Variants in STAT1 observed in about 807,000 individuals in gnomAD.
STAT1 encodes the protein signal transducer and activator of transcription 1, also known as signal transducer and activator of transcription 1-alpha/beta.
In STAT1, 24 loss-of-function variants were observed where a neutral mutation model predicts 111.7. The ratio of observed to expected loss-of-function variants is 0.21; its 90% CI spans 0.16 to 0.30. The LOEUF is 0.30. STAT1 is among the 10% of genes least tolerant of loss of function. The pLI, the probability that STAT1 is intolerant of heterozygous loss-of-function variation, is 1.00. For synonymous variants in STAT1, 332 were observed against 326.5 expected (o/e 1.02, Z -0.18); for missense variants, 351 against 911.9 (o/e 0.38, Z 7.92).
At chr2:191,002,025 T>C (rs1448725161) in intron 5 of STAT1, among the ~76,000 whole-genome samples, 14 of 152,244 alleles carry the variant, frequency 9.2e-5, no homozygotes, top group Admixed American at 9.2e-4. Flanking sequence ...GGTGTTTTTA[T>C]ATGTGCAATT....
Position 191,000,396 on chromosome 2 carries a change from C to T in STAT1, c.462+678G>A, listed in dbSNP as rs1694181654. On this transcript the variant is annotated intron_variant, in intron 6 of 24. Transcript: ENST00000361099. The surrounding 1 kb of genome is among the most constrained non-coding windows in gnomAD (Gnocchi z 4.8). Reference sequence around the variant, plus strand: ...GAGTTTGGAAAGATGCTGTCTGAAGCATGTAAGTCAAGGCCATACTGCTAT... The same window carrying T: ...GAGTTTGGAAAGATGCTGTCTGAAGTATGTAAGTCAAGGCCATACTGCTAT... Among the ~76,000 whole-genome samples the T allele has an allele frequency of 6.6e-6, 1 of 152,136 alleles. No homozygotes were observed. Among genetic ancestry groups the T allele is most frequent in the African/African-American group, 2.4e-5 (1 of 41,424 alleles).
chr2:190,979,926 C>A lies in STAT1; in HGVS notation c.1633-60G>T. ...AATCTAAAACAATGACTTACCATGG[C>A]CCCTCCCACCATCATTTGCAAAGAC... On this transcript the variant is annotated intron_variant, in intron 19 of 24. Transcript: ENST00000361099. The surrounding 1 kb of genome is among the most constrained non-coding windows in gnomAD (Gnocchi z 5.8). The A allele has an allele frequency of 8.7e-7, 1 of 1,144,626 alleles. No individual in the cohort carries two copies. The highest frequency in any genetic ancestry group is 1.3e-6 in the Non-Finnish European group (1 of 764,328). 70.9% of individuals were successfully genotyped at this position (1,144,626 alleles called of 1,614,324 possible). A position where few individuals can be genotyped will look rare whatever the true frequency, so the allele number is the denominator to read the frequency against.
rs4327257 is a variant in STAT1 at position 190,981,411 on chromosome 2, A to T, written c.1583-742T>A. On this transcript the variant is annotated intron_variant, in intron 18 of 24. Coordinates refer to ENST00000361099, the MANE Select transcript of STAT1 (RefSeq NM_007315.4). This position sits in a 1 kb window ranked among gnomAD's most constrained non-coding sequence, Gnocchi z 4.1. ...CCAAGTGAGAGAAACGAGAGGAAGAAGCCCGGGGTTATTAGCTACACAAAT... is the reference window on the plus strand; with the variant it reads ...CCAAGTGAGAGAAACGAGAGGAAGATGCCCGGGGTTATTAGCTACACAAAT... Among the ~76,000 whole-genome samples the T allele has an allele frequency of 6.6e-6, 1 of 152,358 alleles. No individual in the cohort carries two copies. The highest frequency in any genetic ancestry group is 2.1e-4 in the South Asian group (1 of 4,832).
chr2:190,978,627 G>C lies in STAT1; in HGVS notation c.1873+229C>G. The C allele has an allele frequency of 1.6e-6, 1 of 606,506 alleles. No homozygotes were observed. Among genetic ancestry groups the C allele is most frequent in the Non-Finnish European group, 2.9e-6 (1 of 339,102 alleles). The allele number at this position is 606,506 out of a possible 1,614,324, so 37.6% of individuals were successfully genotyped here. Reference sequence around the variant, plus strand: ...CAAACCTGATGCAAAGGAAAGAATTGGCATTGTCTTTTCAAAACCATCATT... The same window carrying C: ...CAAACCTGATGCAAAGGAAAGAATTCGCATTGTCTTTTCAAAACCATCATT... On this transcript the variant is annotated intron_variant, in intron 21 of 24. Coordinates refer to ENST00000361099, the MANE Select transcript of STAT1 (RefSeq NM_007315.4). The surrounding 1 kb of genome is among the most constrained non-coding windows in gnomAD (Gnocchi z 6.1).
rs1425340138 is a variant in STAT1, at chr2:190,990,006, T to C, written c.1038-332A>G. On this transcript the variant is annotated intron_variant, in intron 11 of 24. Transcript: ENST00000361099. This position sits in a 1 kb window ranked among gnomAD's most constrained non-coding sequence, Gnocchi z 5.1. ...TTCAGTTTCATCACAATTTCGACCT[T>C]TGGCCAATTTATATGGGTAAAATAG... 6.6e-6 allele frequency among the ~76,000 whole-genome samples: 1 copy of C among 152,236 alleles called. No homozygotes were observed. Among genetic ancestry groups the C allele is most frequent in the Non-Finnish European group, 1.5e-5 (1 of 68,036 alleles).
intron 10 of STAT1, among the ~76,000 whole-genome samples, chr2:190,994,236 T>C (rs567801326): frequency 6.6e-6 from 1 of 152,200 alleles, no homozygotes; most frequent in East Asian, 1.9e-4. Context: ...CAAGTTTGCC[T>C]AGAAAGGGGC....
chr2:190,988,537 C>G (rs1193893173), intron 12 of STAT1, among the ~76,000 whole-genome samples: 6 of 152,188 alleles, frequency 3.9e-5, no homozygotes, highest in Admixed American at 3.9e-4. Flanking sequence ...CACCACCACA[C>G]CTGGCTAATT....
rs749333159 is a variant in STAT1, at chr2:190,974,839, G to T, written c.2229C>A (p.Phe743Leu). ...EVSRIVGSVEFDSMMNTV is the reference protein window; with the variant it reads ...EVSRIVGSVELDSMMNTV ...CAGCCGTGGTACTCACCATACTGTC[G>T]AATTCTACAGAGCCCACTATCCGAG... Residue 743 changes from phenylalanine (F) to leucine (L), a missense_variant, in exon 24 of 25, where the codon TTC (phenylalanine) becomes TTA (leucine). This residue lies in a region of STAT1 where 181 missense variants were observed against 426.1 expected (regional missense o/e 0.42). Coordinates refer to ENST00000361099, the MANE Select transcript of STAT1 (RefSeq NM_007315.4). This position sits in a 1 kb window ranked among gnomAD's most constrained non-coding sequence, Gnocchi z 4.8. 1 of 1,613,982 alleles carries T rather than the reference G, an allele frequency of 6.2e-7. No individual in the cohort carries two copies. The highest frequency in any genetic ancestry group is 1.1e-5 in the South Asian group (1 of 91,078).
At position 191,004,437 on chromosome 2, in the gene STAT1, G is replaced by A. The variant is rs2030171; in HGVS notation, c.372+3126C>T. Among the ~76,000 whole-genome samples, 55,992 of 152,010 alleles carry A rather than the reference G, an allele frequency of 0.37. 10,922 individuals carry two copies. Among genetic ancestry groups the A allele is most frequent in the East Asian group, 0.64 (3,311 of 5,154 alleles). Reference sequence around the variant, plus strand: ...GCTCAGGAAGGGGGTCCTTTCCAATGGAGTGAGCAGTTGTCCAAGTAAGGG... The same window carrying A: ...GCTCAGGAAGGGGGTCCTTTCCAATAGAGTGAGCAGTTGTCCAAGTAAGGG... On this transcript the variant is annotated intron_variant, in intron 5 of 24. Transcript: ENST00000361099. This position sits in a 1 kb window ranked among gnomAD's most constrained non-coding sequence, Gnocchi z 5.0.
chr2:190,978,732 G>T lies in STAT1; in HGVS notation c.1873+124C>A. On this transcript the variant is annotated intron_variant, in intron 21 of 24. Transcript: ENST00000361099. This position sits in a 1 kb window ranked among gnomAD's most constrained non-coding sequence, Gnocchi z 6.1. ...TTAAATCCTATCGGGGGCTCATTTG[G>T]GGTAAGTATAAGATCTGCAATTTCA... 2 of 1,267,806 alleles carry T rather than the reference G, an allele frequency of 1.6e-6. No individual in the cohort carries two copies. Among genetic ancestry groups the T allele is most frequent in the Non-Finnish European group, 2.2e-6 (2 of 899,234 alleles). The allele number at this position is 1,267,806 out of a possible 1,614,324, so 78.5% of individuals were successfully genotyped here.
rs534893598 is a variant in STAT1 at position 190,974,008 on chromosome 2, C to G, written c.2238+822G>C. On this transcript the variant is annotated intron_variant, in intron 24 of 24. Coordinates refer to ENST00000361099, the MANE Select transcript of STAT1 (RefSeq NM_007315.4). The surrounding 1 kb of genome is among the most constrained non-coding windows in gnomAD (Gnocchi z 4.8). Reference sequence around the variant, plus strand: ...TACTTTTTGCCAGGCACCGGGTATACAGTAAGGAAGAAAGGCCAGTAATAA... The same window carrying G: ...TACTTTTTGCCAGGCACCGGGTATAGAGTAAGGAAGAAAGGCCAGTAATAA... Among the ~76,000 whole-genome samples, 1 of 152,068 alleles carries G rather than the reference C, an allele frequency of 6.6e-6. No homozygotes were observed. Among genetic ancestry groups the G allele is most frequent in the East Asian group, 1.9e-4 (1 of 5,198 alleles).
At position 190,980,661 on chromosome 2, in the gene STAT1, C is replaced by T. The variant is rs148573907; in HGVS notation, c.1591G>A (p.Ala531Thr). Reference sequence around the variant, plus strand: ...CACGGAATGAGACCATCGGGGCTGGCGTTAGGACCTAAACAAATAAAAACC... The same window carrying T: ...CACGGAATGAGACCATCGGGGCTGGTGTTAGGACCTAAACAAATAAAAACC... ...MLGEKLLGPN[A>T]SPDGLIPWTR... Residue 531 changes from alanine to threonine, a missense_variant, in exon 19 of 25, where the codon GCC becomes ACC. Transcript: ENST00000361099. The surrounding 1 kb of genome is among the most constrained non-coding windows in gnomAD (Gnocchi z 6.1). 7.6e-5 allele frequency: 122 copies of T among 1,614,178 alleles called. No individual in the cohort carries two copies. In the African/African-American group the frequency reaches 1.2e-3, roughly 16 times the overall value.
rs1204238020 is a variant in STAT1 at position 190,998,128 on chromosome 2, C to T, written c.633+89G>A. The T allele has an allele frequency of 1.3e-6, 2 of 1,559,076 alleles. No homozygotes were observed. The highest frequency in any genetic ancestry group is 1.8e-6 in the Non-Finnish European group (2 of 1,134,330). The stretch of plus-strand genomic sequence containing the variant: ...TCAACTGGGGCTCTAAGCCAGGTGG[C>T]TATAATTTTTCCTCTCTTCTAAACT... On this transcript the variant is annotated intron_variant, in intron 8 of 24. Coordinates refer to ENST00000361099, the MANE Select transcript of STAT1 (RefSeq NM_007315.4). This position sits in a 1 kb window ranked among gnomAD's most constrained non-coding sequence, Gnocchi z 4.1.
Position 190,974,700 on chromosome 2 carries a change from G to T in STAT1, c.2238+130C>A. The T allele has an allele frequency of 1.3e-6, 1 of 783,656 alleles. No individual in the cohort carries two copies. The allele number at this position is 783,656 out of a possible 1,614,324, so 48.5% of individuals were successfully genotyped here. On this transcript the variant is annotated intron_variant, in intron 24 of 24. Transcript: ENST00000361099. The surrounding 1 kb of genome is among the most constrained non-coding windows in gnomAD (Gnocchi z 4.8). Reference sequence around the variant, plus strand: ...CTCCAACTTGTCATGGCTCATCTGAGCACTGCACTCTCCTTGGCTCCGCCA... The same window carrying T: ...CTCCAACTTGTCATGGCTCATCTGATCACTGCACTCTCCTTGGCTCCGCCA...
rs754101599 is a variant in STAT1 at position 190,999,563 on chromosome 2, G to A, written c.541+63C>T. 144 of 1,110,042 alleles carry A rather than the reference G, an allele frequency of 1.3e-4. No individual in the cohort carries two copies. The highest frequency in any genetic ancestry group is 4.8e-4 in the Admixed American group (28 of 58,758). 68.8% of individuals were successfully genotyped at this position (1,110,042 alleles called of 1,614,324 possible). ...CAAATAGAAAGGAGTAATCATCTTC[G>A]TTATCTAGTGTGAACAGAAAAAATT... On this transcript the variant is annotated intron_variant, in intron 7 of 24. Coordinates refer to ENST00000361099, the MANE Select transcript of STAT1 (RefSeq NM_007315.4). This position sits in a 1 kb window ranked among gnomAD's most constrained non-coding sequence, Gnocchi z 4.1.
At position 190,975,952 on chromosome 2, in the gene STAT1, T is replaced by C; in HGVS notation, c.2060-65A>G. 1.4e-6 allele frequency: 2 copies of C among 1,380,188 alleles called. No individual in the cohort carries two copies. Among genetic ancestry groups the C allele is most frequent in the Non-Finnish European group, 2.1e-6 (2 of 971,440 alleles). The allele number at this position is 1,380,188 out of a possible 1,614,324, so 85.5% of individuals were successfully genotyped here. A position where few individuals can be genotyped will look rare whatever the true frequency, so the allele number is the denominator to read the frequency against. ...AATTCCATCAGAATACAACATCAACTTTTCGGGGGGATTAAAGTTCTACTG... is the reference window on the plus strand; with the variant it reads ...AATTCCATCAGAATACAACATCAACCTTTCGGGGGGATTAAAGTTCTACTG... On this transcript the variant is annotated intron_variant, in intron 22 of 24. Transcript: ENST00000361099. The surrounding 1 kb of genome is among the most constrained non-coding windows in gnomAD (Gnocchi z 5.9).
At chr2:190,985,527 C>T (rs1692734956) in intron 15 of STAT1, 92 bp downstream of exon 15, 6 of 1,358,630 alleles carry the variant, frequency 4.4e-6, no homozygotes, top group Admixed American at 3.4e-5. Context: ...GTCTGAACTC[C>T]TCTGTGAGGT....
In STAT1 at chr2:190,999,763, C is replaced by G; in HGVS notation, c.463-59G>C. 2.4e-6 allele frequency: 3 copies of G among 1,249,444 alleles called. No homozygotes were observed. Among genetic ancestry groups the G allele is most frequent in the East Asian group, 4.7e-5 (2 of 42,998 alleles). The allele number at this position is 1,249,444 out of a possible 1,614,324, so 77.4% of individuals were successfully genotyped here. A position where few individuals can be genotyped will look rare whatever the true frequency, so the allele number is the denominator to read the frequency against. ...ATCAGCAACTTCCAAAGACTTTAGGCAACAGAGTATTGCTTCTATGGAACC... is the reference window on the plus strand; with the variant it reads ...ATCAGCAACTTCCAAAGACTTTAGGGAACAGAGTATTGCTTCTATGGAACC... On this transcript the variant is annotated intron_variant, in intron 6 of 24. Transcript: ENST00000361099. The surrounding 1 kb of genome is among the most constrained non-coding windows in gnomAD (Gnocchi z 4.1).
chr2:191,008,129 T>C lies in STAT1; in HGVS notation c.274-468A>G, dbSNP rs550714412. 306 of 388,018 alleles carry C rather than the reference T, an allele frequency of 7.9e-4. 8 individuals carry two copies. Among genetic ancestry groups the C allele is most frequent in the South Asian group, 5.6e-3 (297 of 52,656 alleles). 24.0% of individuals were successfully genotyped at this position (388,018 alleles called of 1,614,324 possible). A position where few individuals can be genotyped will look rare whatever the true frequency, so the allele number is the denominator to read the frequency against. On this transcript the variant is annotated intron_variant, in intron 4 of 24. Coordinates refer to ENST00000361099, the MANE Select transcript of STAT1 (RefSeq NM_007315.4). ...GTTTGCAAAACACTACCAATAGCAA[T>C]AATGGCTCTTTATACAGGTACATTC...
Sources: gnomAD v4.1 joint callset for allele counts (sites outside exome capture counted in the v4.1 genomes callset) on GRCh38, gnomAD v4.1.1 for gene constraint, gnomAD v4.1.1 regional missense constraint, Gnocchi (gnomAD v3.1) non-coding constraint, MANE v1.5 for transcripts, NCBI Gene and HGNC (gene_info 2026-07-23, HGNC 2026-07-21) for gene names.